MEI1: variants seen among roughly 807,000 people sequenced by gnomAD.
MEI1 encodes meiosis inhibitor protein 1.
MEI1 carries 103 observed loss-of-function variants against 146.2 expected under a neutral mutation model. That is an observed-to-expected ratio of 0.70 (90% CI 0.60 to 0.83). The LOEUF is 0.83. Ranked by LOEUF, MEI1 falls within the 40% of genes least tolerant of loss-of-function variation. The pLI is 0.00. For synonymous variants in MEI1, 652 were observed against 628.2 expected (o/e 1.04, Z -0.57); for missense variants, 1,529 against 1,533.0 (o/e 1.00, Z 0.04).
rs34573368 is a variant in MEI1, at chr22:41,711,834, A to G, written c.350-2168A>G. On this transcript the variant is annotated intron_variant, in intron 3 of 30. Coordinates refer to ENST00000401548, the MANE Select transcript of MEI1 (RefSeq NM_152513.4). ...AGAGATAATGTTGTAATAATTGGCT[A>G]TAGGAACTTGCCTATAATTCTTTTT... is the stretch of plus-strand genomic sequence containing the variant. Among the ~76,000 whole-genome samples the G allele has an allele frequency of 1.5e-3, 235 of 152,190 alleles. 2 individuals carry two copies. The highest frequency in any genetic ancestry group is 6.8e-3 in the Middle Eastern group (2 of 294).
rs939716208 is a variant in MEI1, at chr22:41,754,150, C to A, written c.1951+104C>A. The A allele has an allele frequency of 9.8e-6, 8 of 819,568 alleles. No individual in the cohort carries two copies. The African/African-American group carries it at 1.0e-4, about 10-fold the overall frequency. 50.8% of individuals were successfully genotyped at this position (819,568 alleles called of 1,614,324 possible). On this transcript the variant is annotated intron_variant, in intron 17 of 30. Transcript: ENST00000401548. Reference sequence around the variant, plus strand: ...GTGAGTTAGTACAGCCACGAGATTTCTTTGCCTGAGGCTGCCCAGAGGAAT... The same window carrying A: ...GTGAGTTAGTACAGCCACGAGATTTATTTGCCTGAGGCTGCCCAGAGGAAT...
At chr22:41,793,400 C>T (rs1471627780) in intron 26 of MEI1, among the ~76,000 whole-genome samples, 1 of 152,114 alleles carries the variant, frequency 6.6e-6, no homozygotes, top group African/African-American at 2.4e-5. Flanking sequence ...CTCCCGGGTT[C>T]AATCGATTCT....
chr22:41,716,029 C>T lies in MEI1; in HGVS notation c.424-12C>T, dbSNP rs373637748. Reference sequence around the variant, plus strand: ...CCTAATTGACAGAATGGAGCATATTCACTTTCTGTAGCTGTGTAACATGCC... The same window carrying T: ...CCTAATTGACAGAATGGAGCATATTTACTTTCTGTAGCTGTGTAACATGCC... On this transcript the variant is annotated splice_polypyrimidine_tract_variant and intron_variant, in intron 4 of 30. Coordinates refer to ENST00000401548, the MANE Select transcript of MEI1 (RefSeq NM_152513.4). The T allele has an allele frequency of 2.5e-6, 4 of 1,587,086 alleles. 1 individual carries two copies. The African/African-American group carries it at 5.4e-5, about 21-fold the overall frequency.
intron 12 of MEI1, among the ~76,000 whole-genome samples, chr22:41,744,302 C>A (rs1332855501): frequency 6.6e-6 from 1 of 152,090 alleles, no homozygotes; most frequent in Non-Finnish European, 1.5e-5. Flanking sequence ...TCCCTAGTAG[C>A]TGGGACTACA....
At chr22:41,706,633 G>C (rs2069114071) in intron 3 of MEI1, among the ~76,000 whole-genome samples, 1 of 151,978 alleles carries the variant, frequency 6.6e-6, no homozygotes, top group Admixed American at 6.6e-5. Flanking sequence ...AGGATCCCTT[G>C]AGTCCAGGAG....
chr22:41,720,802 C>T (rs915700609), intron 6 of MEI1, among the ~76,000 whole-genome samples: 7 of 148,578 alleles, frequency 4.7e-5, no homozygotes, highest in Admixed American at 6.8e-5. Context: ...GACAGAGTCT[C>T]GCTCTGCTGG....
chr22:41,747,975 T>C, intron 14 of MEI1, 132 bp from the exon 15 acceptor site: 1 of 655,936 alleles, frequency 1.5e-6, no homozygotes, highest in African/African-American at 1.8e-5. Context: ...AGGTTTGGAC[T>C]TTAAGTTCCC....
chr22:41,748,700 C>G (rs1017653664), intron 15 of MEI1, among the ~76,000 whole-genome samples: 6 of 152,144 alleles, frequency 3.9e-5, no homozygotes, highest in Non-Finnish European at 1.5e-5. Flanking sequence ...ACTCATTCCA[C>G]TGATGAGCAA....
intron 6 of MEI1, among the ~76,000 whole-genome samples, chr22:41,719,271 G>C (rs572816326): frequency 2.6e-4 from 40 of 152,024 alleles, no homozygotes; most frequent in African/African-American, 8.9e-4. Context: ...GTGAGCCACC[G>C]CGCCCGGCCG....
chr22:41,755,442 G>A (rs1569258430), intron 17 of MEI1, among the ~76,000 whole-genome samples: 1 of 152,114 alleles, frequency 6.6e-6, no homozygotes, highest in Non-Finnish European at 1.5e-5. Context: ...TCACTATGCT[G>A]GCTACTCCTT....
chr22:41,725,569 T>C (rs1435397179), intron 7 of MEI1, among the ~76,000 whole-genome samples: 2 of 152,218 alleles, frequency 1.3e-5, no homozygotes, highest in African/African-American at 4.8e-5. Context: ...TCAGCCTCAC[T>C]TTCCTGTCTC....
chr22:41,740,444 A>C (rs973187829), intron 11 of MEI1, among the ~76,000 whole-genome samples: 1 of 152,128 alleles, frequency 6.6e-6, no homozygotes, highest in Non-Finnish European at 1.5e-5. Flanking sequence ...GAGAGCTGCT[A>C]AAAAGAATTT....
intron 11 of MEI1, among the ~76,000 whole-genome samples, chr22:41,740,780 A>G (rs2072794921): frequency 4.6e-5 from 7 of 152,172 alleles, no homozygotes; most frequent in Admixed American, 3.9e-4. Context: ...AGGTGGTGGA[A>G]CTAGGGCTTG....
intron 19 of MEI1, among the ~76,000 whole-genome samples, chr22:41,766,459 C>T (rs367771283): frequency 2.0e-5 from 3 of 151,088 alleles, no homozygotes; most frequent in Admixed American, 1.3e-4. Flanking sequence ...TGTGAGCCAC[C>T]GTGCCTGGCT....
chr22:41,748,073 C>T (rs766557799), intron 14 of MEI1, 34 bp from the exon 15 acceptor site: 38 of 1,470,694 alleles, frequency 2.6e-5, no homozygotes, highest in East Asian at 1.1e-4. Flanking sequence ...GCTCAGTCCC[C>T]GTGGGCTGTG....
At chr22:41,755,257 T>C (rs2074018051) in intron 17 of MEI1, among the ~76,000 whole-genome samples, 1 of 152,180 alleles carries the variant, frequency 6.6e-6, no homozygotes, top group African/African-American at 2.4e-5. Flanking sequence ...CCTCTGTGGG[T>C]AAGACCTAGT....
chr22:41,725,977 C>G (rs1356433213), intron 7 of MEI1, among the ~76,000 whole-genome samples: 1 of 152,094 alleles, frequency 6.6e-6, no homozygotes, highest in Non-Finnish European at 1.5e-5. Context: ...AGGAGGAGCT[C>G]TGGTTAGAAG....
In MEI1 at chr22:41,732,560, G is replaced by C. The variant is rs779015950; in HGVS notation, c.1288G>C (p.Glu430Gln). 5.0e-6 allele frequency: 8 copies of C among 1,613,756 alleles called. No individual in the cohort carries two copies. The South Asian group carries it at 8.8e-5, about 18-fold the overall frequency. ...LQEAVSSPVL[E>Q]VAAEALKATS... ...AGAAGCAGTTAGCAGCCCTGTGCTGGAGGTGGCTGCTGAGGCCTTGAAGGC... is the reference window on the plus strand; with the variant it reads ...AGAAGCAGTTAGCAGCCCTGTGCTGCAGGTGGCTGCTGAGGCCTTGAAGGC... The change falls in exon 11 of 31, where the codon GAG becomes CAG. Residue 430 changes from glutamate to glutamine, a missense_variant. Glu to Gln is a conservative substitution (Grantham distance 29). Around this residue, in one of 3 missense-constraint regions of MEI1, gnomAD observed 1,212 missense variants for 1,178.9 expected, o/e 1.03. Transcript: ENST00000401548.
intron 23 of MEI1, 76 bp downstream of exon 23, chr22:41,781,470 A>G (rs1480001273): frequency 2.3e-6 from 3 of 1,309,500 alleles, no homozygotes; most frequent in Middle Eastern, 2.2e-4. Context: ...TTTTCATCTT[A>G]AAAAAACAAA....
Sources: gnomAD v4.1 joint callset for allele counts (sites outside exome capture counted in the v4.1 genomes callset) on GRCh38, gnomAD v4.1.1 for gene constraint, gnomAD v4.1.1 regional missense constraint, MANE v1.5 for transcripts, NCBI Gene and HGNC (gene_info 2026-07-23, HGNC 2026-07-21) for gene names.